Variants in ARMC9 observed in about 807,000 individuals in gnomAD.
ARMC9 encodes the protein lisH domain-containing protein ARMC9.
ARMC9 carries 94 observed loss-of-function variants against 107.0 expected under a neutral mutation model. The observed-to-expected ratio is 0.88, with a 90% CI of 0.74 to 1.04. The LOEUF is 1.04. Among genes scored for constraint, ARMC9 ranks in the 50% least tolerant of loss-of-function variants. The probability of loss-of-function intolerance (pLI) is 0.00; values close to 1 mark genes in which losing one functional copy is unlikely to be tolerated. For synonymous variants in ARMC9, 380 were observed against 396.9 expected, an observed-to-expected ratio of 0.96 and a Z score of 0.51; for missense variants, 942 against 1,030.1, an observed-to-expected ratio of 0.91 and a Z score of 1.17.
rs779229688 is a variant in ARMC9, at chr2:231,235,310, G to A, written c.709G>A (p.Asp237Asn). 23 of 1,614,200 alleles carry A rather than the reference G, an allele frequency of 1.4e-5. No individual in the cohort carries two copies. The highest frequency in any genetic ancestry group is 2.2e-5 in the East Asian group (1 of 44,884). The part of the protein sequence containing the change: ...YLKRYNKIQA[D>N]YHNLIGVTAE... ...CAAACGGTACAATAAGATCCAGGCC[G>A]ACTACCACAATCTCATTGGAGTCAC... The change falls in exon 8 of 25, where the codon GAC (aspartate) becomes AAC (asparagine). Residue 237 changes from aspartate to asparagine, a missense_variant. Transcript: ENST00000611582.
chr2:231,235,523 A>G (rs2035627921), intron 8 of ARMC9, 142 bp downstream of exon 8: 9 of 944,756 alleles, frequency 9.5e-6, no homozygotes, highest in African/African-American at 1.7e-5. Context: ...CCAAAAGCCA[A>G]CATGCATGAA....
chr2:231,356,078 C>A, intron 22 of ARMC9, 144 bp downstream of exon 22: 1 of 1,143,194 alleles, frequency 8.7e-7, no homozygotes, highest in Non-Finnish European at 1.2e-6. Flanking sequence ...CAGAGGCTCA[C>A]GGGATTCCCA....
chr2:231,318,511 T>G (rs1419269792), intron 19 of ARMC9, among the ~76,000 whole-genome samples: 1 of 152,218 alleles, frequency 6.6e-6, no homozygotes, highest in Non-Finnish European at 1.5e-5. Context: ...TGTAGCCCTC[T>G]TGCTTCCAGC....
At position 231,326,390 on chromosome 2, in the gene ARMC9, A is replaced by G. The variant is rs147699801; in HGVS notation, c.1774-5403A>G. On this transcript the variant is annotated intron_variant, in intron 19 of 24. Coordinates refer to ENST00000611582, the MANE Select transcript of ARMC9 (RefSeq NM_001352754.2). ...AGGGACATCAAATAAATGCCCCCAA[A>G]TGCAAGCTAGCAGGAGCAGCATCTC... Among the ~76,000 whole-genome samples, 491 of 152,350 alleles carry G rather than the reference A, an allele frequency of 3.2e-3. 3 individuals are homozygous for G. The highest frequency in any genetic ancestry group is 0.012 in the African/African-American group (479 of 41,578).
chr2:231,370,426 T>G, intron 24 of ARMC9: 1 of 302,336 alleles, frequency 3.3e-6, no homozygotes. Context: ...CCTCCCCACT[T>G]CCCTCTGTGG....
chr2:231,355,733 G>A (rs1214419639), intron 21 of ARMC9, 65 bp from the exon 22 acceptor site: 10 of 1,311,940 alleles, frequency 7.6e-6, no homozygotes, highest in South Asian at 1.4e-5. Context: ...TGCTGCAGTC[G>A]GCAGTCGGCA....
At chr2:231,370,462 G>A (rs1048976383) in intron 24 of ARMC9, 6 of 231,684 alleles carry the variant, frequency 2.6e-5, no homozygotes, top group Non-Finnish European at 5.0e-5. Context: ...CCCTGAGCTG[G>A]CCCTGCTGCC....
chr2:231,244,404 T>C (rs1360632199), intron 9 of ARMC9, among the ~76,000 whole-genome samples: 1 of 151,196 alleles, frequency 6.6e-6, no homozygotes, highest in Non-Finnish European at 1.5e-5. Flanking sequence ...TCTCGCTCTG[T>C]TACCCAGGCT....
At chr2:231,346,875 A>C (rs895932602) in intron 21 of ARMC9, among the ~76,000 whole-genome samples, 2 of 152,248 alleles carry the variant, frequency 1.3e-5, no homozygotes, top group Non-Finnish European at 2.9e-5. Flanking sequence ...AAATGGAAGT[A>C]GCAACAGGAA....
chr2:231,285,224 C>G (rs2040503419), intron 17 of ARMC9, among the ~76,000 whole-genome samples: 1 of 151,894 alleles, frequency 6.6e-6, no homozygotes, highest in Non-Finnish European at 1.5e-5. Flanking sequence ...TTATAGCGGT[C>G]TTGGTCAAAC....
intron 12 of ARMC9, among the ~76,000 whole-genome samples, chr2:231,267,173 CAG>C (rs2038924341): frequency 6.6e-6 from 1 of 152,182 alleles, no homozygotes; most frequent in Non-Finnish European, 1.5e-5. Context: ...CTGGGAAACA[CAG>C]AGCGTCTGGC....
intron 9 of ARMC9, among the ~76,000 whole-genome samples, chr2:231,241,273 A>G (rs1362511945): frequency 6.6e-6 from 1 of 151,934 alleles, no homozygotes; most frequent in Non-Finnish European, 1.5e-5. Context: ...CGGGTTATGC[A>G]TCCCTGAATC....
At chr2:231,242,984 C>T (rs909603094) in intron 9 of ARMC9, among the ~76,000 whole-genome samples, 1 of 152,050 alleles carries the variant, frequency 6.6e-6, no homozygotes, top group African/African-American at 2.4e-5. Flanking sequence ...TGGTGGCTCA[C>T]GCCTGTAATC....
At chr2:231,236,789 C>T in intron 8 of ARMC9, among the ~76,000 whole-genome samples, 1 of 152,008 alleles carries the variant, frequency 6.6e-6, no homozygotes, top group Non-Finnish European at 1.5e-5. Flanking sequence ...ACTAAAAATA[C>T]AGAAATTTGC....
rs2039946872 is a variant in ARMC9 at position 231,278,447 on chromosome 2, G to C, written c.1540G>C (p.Glu514Gln). 2 of 1,613,906 alleles carry C rather than the reference G, an allele frequency of 1.2e-6. No individual in the cohort carries two copies. Among genetic ancestry groups the C allele is most frequent in the South Asian group, 2.2e-5 (2 of 91,060 alleles). Residue 514 changes from glutamate (E) to glutamine (Q), a missense_variant, in exon 16 of 25, where the codon GAA becomes CAA. Physicochemically the swap from Glu to Gln is conservative, Grantham distance 29 (BLOSUM62 2). Transcript: ENST00000611582. Reference sequence around the variant, plus strand: ...AGTCCTTTCGGATCTTCTTGGCCATGAAAACCATGAGGTACTCATTCAGCA... The same window carrying C: ...AGTCCTTTCGGATCTTCTTGGCCATCAAAACCATGAGGTACTCATTCAGCA... ...LKVLSDLLGH[E>Q]NHEIQPYVNG...
rs775396529 is a variant in ARMC9, at chr2:231,261,390, AG to A, written c.1027-915del. ...GGCTTTCTAAAATCTACAAAATTCT[AG>A]CCAGCTACCTCTACACTCATGCATG... On this transcript the variant is annotated intron_variant, in intron 11 of 24. Coordinates refer to ENST00000611582, the MANE Select transcript of ARMC9 (RefSeq NM_001352754.2). Among the ~76,000 whole-genome samples the A allele has an allele frequency of 2.6e-3, 402 of 152,356 alleles. 1 individual carries two copies. Among genetic ancestry groups the A allele is most frequent in the Non-Finnish European group, 3.9e-3 (263 of 68,042 alleles).
At chr2:231,361,752 T>C (rs1157145356) in intron 23 of ARMC9, among the ~76,000 whole-genome samples, 2 of 152,038 alleles carry the variant, frequency 1.3e-5, no homozygotes, top group African/African-American at 4.8e-5. Flanking sequence ...GCCAACCTCC[T>C]GCGGTAAAAT....
chr2:231,289,615 C>T (rs2040849993), intron 17 of ARMC9, among the ~76,000 whole-genome samples: 1 of 152,192 alleles, frequency 6.6e-6, no homozygotes, highest in African/African-American at 2.4e-5. Context: ...ATTCAGCTCT[C>T]CCAGCAGTGC....
rs143556558 is a variant in ARMC9, at chr2:231,358,350, A to AATTGATTGATTGATTGATTG, written c.2132-2391_2132-2372dup. ...CTTCTCCATCCCTCCCCTCCACTTC[A>AATTGATTGATTGATTGATTG]ATTGATTGATTGATTGATTGATTGA... On this transcript the variant is annotated intron_variant, in intron 22 of 24. Coordinates refer to ENST00000611582, the MANE Select transcript of ARMC9 (RefSeq NM_001352754.2). This position sits in a 1 kb window ranked among gnomAD's most constrained non-coding sequence, Gnocchi z 4.5. Among the ~76,000 whole-genome samples the AATTGATTGATTGATTGATTG allele has an allele frequency of 6.6e-6, 1 of 150,964 alleles. No individual in the cohort carries two copies. The highest frequency in any genetic ancestry group is 2.5e-5 in the African/African-American group (1 of 40,670).
Sources: gnomAD v4.1 joint callset for allele counts (sites outside exome capture counted in the v4.1 genomes callset) on GRCh38, gnomAD v4.1.1 for gene constraint, Gnocchi (gnomAD v3.1) non-coding constraint, MANE v1.5 for transcripts, NCBI Gene and HGNC (gene_info 2026-07-23, HGNC 2026-07-21) for gene names.